The following AHNAK variants were observed in gnomAD, a reference collection of about 807,000 sequenced individuals.
The protein encoded by AHNAK is AHNAK nucleoprotein, also known as neuroblast differentiation-associated protein AHNAK.
A neutral mutation model predicts 37.8 loss-of-function variants in AHNAK; 23 were observed. That is an observed-to-expected ratio of 0.61 (90% CI 0.44 to 0.86). The LOEUF is 0.86. Ranked by LOEUF, AHNAK falls within the 40% of genes least tolerant of loss-of-function variation. AHNAK has a pLI of 0.00. For synonymous variants in AHNAK, 2,481 were observed against 2,636.3 expected, an observed-to-expected ratio of 0.94 and a Z score of 1.80; for missense variants, 7,411 against 7,319.4, an observed-to-expected ratio of 1.01 and a Z score of -0.46.
At chr11:62,500,206 C>A (rs1207871518) in intron 4 of AHNAK, among the ~76,000 whole-genome samples, 1 of 152,220 alleles carries the variant, frequency 6.6e-6, no homozygotes, top group East Asian at 1.9e-4. Context: ...CCAGATCAAT[C>A]TGCACTCACA....
chr11:62,451,849 C>T (rs1590591930), intron 5 of AHNAK, among the ~76,000 whole-genome samples: 1 of 149,632 alleles, frequency 6.7e-6, no homozygotes, highest in Non-Finnish European at 1.5e-5. Flanking sequence ...GCTCTGTCAC[C>T]CAAGCTGGAG....
chr11:62,444,756 T>G (rs536287442), intron 5 of AHNAK, among the ~76,000 whole-genome samples: 8 of 152,372 alleles, frequency 5.3e-5, no homozygotes, highest in African/African-American at 1.9e-4. Context: ...TCTGGGCAGA[T>G]GTGATGGCAC....
chr11:62,486,848 T>C (rs1939406270), intron 5 of AHNAK, among the ~76,000 whole-genome samples: 1 of 151,694 alleles, frequency 6.6e-6, no homozygotes, highest in South Asian at 2.1e-4. Flanking sequence ...AAACACAAGC[T>C]CAAATGAAAA....
At position 62,517,268 on chromosome 11, in the gene AHNAK, A is replaced by G. The variant is rs1940052024; in HGVS notation, c.17149T>C (p.Phe5717Leu). Residue 5717 changes from phenylalanine to leucine, a missense_variant, in exon 5 of 5, where the codon TTT becomes CTT. Phe to Leu is a conservative substitution (Grantham distance 22). Transcript: ENST00000378024. Reference sequence around the variant, plus strand: ...TTCCCTTTAGGTTTGGAAAAATTAAACTTGGGCATTTTGATCTTGGACTTT... The same window carrying G: ...TTCCCTTTAGGTTTGGAAAAATTAAGCTTGGGCATTTTGATCTTGGACTTT... The part of the protein sequence containing the change: ...LKKSKIKMPK[F>L]NFSKPKGKGG... 6.2e-7 allele frequency: 1 copy of G among 1,613,996 alleles called. No individual in the cohort carries two copies. The highest frequency in any genetic ancestry group is 8.5e-7 in the Non-Finnish European group (1 of 1,180,000).
chr11:62,473,194 A>G (rs950567276), intron 5 of AHNAK, among the ~76,000 whole-genome samples: 2 of 149,964 alleles, frequency 1.3e-5, no homozygotes, highest in Non-Finnish European at 1.5e-5. Context: ...CAGGAGTTCG[A>G]GACCAGCCTG....
chr11:62,439,070 C>T (rs567504496), intron 5 of AHNAK, among the ~76,000 whole-genome samples: 1 of 150,504 alleles, frequency 6.6e-6, no homozygotes, highest in East Asian at 2.0e-4. Context: ...GATGGACACC[C>T]ATCCCTCTCA....
At position 62,519,790 on chromosome 11, in the gene AHNAK, C is replaced by T. The variant is rs2134197211; in HGVS notation, c.14627G>A (p.Gly4876Glu). The part of the protein sequence containing the change: ...DFDVSVPKVE[G>E]TLKGPEVDLK... ...ATCTACTTCTGGGCCTTTCAAAGTC[C>T]CTTCAACCTTAGGGACAGACACATC... Residue 4876 changes from glycine (G) to glutamate (E), a missense_variant, in exon 5 of 5, where the codon GGG becomes GAG. Physicochemically the swap from Gly to Glu is moderately conservative, Grantham distance 98 (BLOSUM62 -2). Coordinates refer to ENST00000378024, the MANE Select transcript of AHNAK (RefSeq NM_001620.3). 1.2e-6 allele frequency: 2 copies of T among 1,613,662 alleles called. No individual in the cohort carries two copies. The highest frequency in any genetic ancestry group is 1.7e-6 in the Non-Finnish European group (2 of 1,179,762).
intron 1 of AHNAK, chr11:62,537,268 T>A (rs1307602259): frequency 6.6e-6 from 1 of 152,146 alleles, no homozygotes; most frequent in Non-Finnish European, 1.5e-5. Context: ...CCTCTTTTTA[T>A]TTTTTTGAGA....
chr11:62,495,403 G>A (rs954893334), intron 4 of AHNAK, among the ~76,000 whole-genome samples: 1 of 152,122 alleles, frequency 6.6e-6, no homozygotes, highest in Non-Finnish European at 1.5e-5. Context: ...ACAGTGTCCT[G>A]TTGTAATTCA....
At position 62,525,935 on chromosome 11, in the gene AHNAK, T is replaced by C. The variant is rs1157631068; in HGVS notation, c.8482A>G (p.Met2828Val). The change falls in exon 5 of 5, where the codon ATG becomes GTG. Residue 2828 changes from methionine to valine, a missense_variant. Transcript: ENST00000378024. ...WKSPKFKMPE[M>V]HFKTPKISMP... The stretch of plus-strand genomic sequence containing the variant: ...GATATCTTTGGAGTCTTAAAATGCA[T>C]CTCTGGCATCTTAAACTTTGGACTT... The C allele has an allele frequency of 2.5e-6, 4 of 1,614,102 alleles. No homozygotes were observed. Among genetic ancestry groups the C allele is most frequent in the African/African-American group, 2.7e-5 (2 of 74,938 alleles).
intron 5 of AHNAK, among the ~76,000 whole-genome samples, chr11:62,476,093 G>A (rs1565206994): frequency 2.0e-5 from 3 of 152,190 alleles, no homozygotes; most frequent in East Asian, 3.9e-4. Flanking sequence ...CAATGCATTC[G>A]GCCCAGGAAC....
intron 5 of AHNAK, among the ~76,000 whole-genome samples, chr11:62,448,756 CAACCTACAGATGGTATTT>C (rs1938469819): frequency 6.6e-6 from 1 of 152,184 alleles, no homozygotes; most frequent in Non-Finnish European, 1.5e-5. Context: ...TGGGAATTGT[CAACCTACAGATGGTATTT>C]AAAGTTCTGG....
intron 1 of AHNAK, chr11:62,542,000 C>CA (rs1158775280): frequency 6.6e-6 from 1 of 152,294 alleles, no homozygotes; most frequent in Non-Finnish European, 1.5e-5. Context: ...ACAACTTTTA[C>CA]AAACCCACCT....
chr11:62,460,987 ATTTT>A (rs58443970), intron 5 of AHNAK, among the ~76,000 whole-genome samples: 2,473 of 103,626 alleles, frequency 0.024, 42 homozygotes, highest in Non-Finnish European at 0.033. Context: ...GGCCTGGCTA[ATTTT>A]TTTTTTTTTT....
intron 5 of AHNAK, among the ~76,000 whole-genome samples, chr11:62,480,803 T>TAA (rs1172126377): frequency 0.18 from 8,111 of 44,440 alleles, 1,247 homozygotes; most frequent in African/African-American, 0.4. Flanking sequence ...TGCGTGCAGT[T>TAA]AAAAAAAAAA....
At chr11:62,469,428 A>G (rs1216214187) in intron 5 of AHNAK, among the ~76,000 whole-genome samples, 1 of 149,720 alleles carries the variant, frequency 6.7e-6, no homozygotes, top group Non-Finnish European at 1.5e-5. Flanking sequence ...AGCCCCAATT[A>G]GGATCTTTAA....
intron 5 of AHNAK, among the ~76,000 whole-genome samples, chr11:62,487,875 C>T (rs1015775343): frequency 1.7e-4 from 26 of 152,170 alleles, no homozygotes; most frequent in African/African-American, 6.0e-4. Context: ...TTGTTTCTCA[C>T]ATGCCCGTGA....
Position 62,517,925 on chromosome 11 carries a change from TA to T in AHNAK, c.16491del (p.Lys5498SerfsTer7). On this transcript the variant is annotated frameshift_variant, in exon 5 of 5. Coordinates refer to ENST00000378024, the MANE Select transcript of AHNAK (RefSeq NM_001620.3). LOFTEE classifies it high-confidence loss of function. ...GLEGNLQMPG[I>X]KSSGCDVNLP... ...AGGTTCACATCACATCCAGAGGACT[TA>T]ATTCCAGGCATCTGGAGGTTTCCTT... The T allele has an allele frequency of 6.2e-7, 1 of 1,614,202 alleles. No homozygotes were observed. The highest frequency in any genetic ancestry group is 8.5e-7 in the Non-Finnish European group (1 of 1,180,036).
At position 62,524,987 on chromosome 11, in the gene AHNAK, G is replaced by T. The variant is rs777998188; in HGVS notation, c.9430C>A (p.Pro3144Thr). Residue 3144 changes from proline (P) to threonine (T), a missense_variant, in exon 5 of 5, where the codon CCA becomes ACA. Coordinates refer to ENST00000378024, the MANE Select transcript of AHNAK (RefSeq NM_001620.3). ...INAPDVDVQGPDWHLKMPKIK... is the reference protein window; with the variant it reads ...INAPDVDVQGTDWHLKMPKIK... ...TTAGGCATCTTCAGGTGCCAGTCTG[G>T]GCCTTGAACATCCACATCTGGGGCA... 12 of 1,613,516 alleles carry T rather than the reference G, an allele frequency of 7.4e-6. No homozygotes were observed. Among genetic ancestry groups the T allele is most frequent in the African/African-American group, 1.3e-5 (1 of 74,668 alleles).
Sources: allele counts gnomAD v4.1 joint callset (sites outside exome capture counted in the v4.1 genomes callset), GRCh38; gene constraint gnomAD v4.1.1; transcripts MANE v1.5; gene names NCBI Gene and HGNC (gene_info 2026-07-23, HGNC 2026-07-21).